The following ZNF208 variants were observed in gnomAD, a reference collection of about 807,000 sequenced individuals.
ZNF208 encodes zinc finger protein 208.
In ZNF208, 10 loss-of-function variants were observed where a neutral mutation model predicts 12.1. The observed-to-expected ratio is 0.83, with a 90% CI of 0.51 to 1.40. The LOEUF is 1.40. Ranked by LOEUF, ZNF208 falls within the 40% of genes most tolerant of loss-of-function variation. ZNF208 has a pLI of 0.00. For missense variants in ZNF208, 1,652 were observed against 1,485.0 expected, an observed-to-expected ratio of 1.11 and a Z score of -1.85; for synonymous variants, 497 against 488.4, an observed-to-expected ratio of 1.02 and a Z score of -0.23.
intron 4 of ZNF208, chr19:21,941,195 CA>C: frequency 2.5e-6 from 1 of 396,364 alleles, no homozygotes; most frequent in Non-Finnish European, 4.4e-6. Context: ...TGAAGCTGCC[CA>C]AACTCCTCAA....
At chr19:21,944,528 T>A (rs1969787992) in intron 4 of ZNF208, among the ~76,000 whole-genome samples, 1 of 152,178 alleles carries the variant, frequency 6.6e-6, no homozygotes, top group Non-Finnish European at 1.5e-5. Context: ...ATGGTTTTAT[T>A]CTTATTCTTA....
chr19:21,978,177 A>G (rs576303562), intron 3 of ZNF208, among the ~76,000 whole-genome samples: 2 of 152,266 alleles, frequency 1.3e-5, no homozygotes, highest in African/African-American at 4.8e-5. Flanking sequence ...CTGCTGGACA[A>G]CTCTGAAGAG....
At chr19:22,005,324 T>C (rs1971026031) in intron 1 of ZNF208, among the ~76,000 whole-genome samples, 1 of 152,168 alleles carries the variant, frequency 6.6e-6, no homozygotes, top group Admixed American at 6.5e-5. Context: ...CTTTTAAGTT[T>C]TCAGTCCTCT....
chr19:21,983,544 C>T (rs1970582438), intron 3 of ZNF208, among the ~76,000 whole-genome samples: 1 of 152,146 alleles, frequency 6.6e-6, no homozygotes, highest in Admixed American at 6.5e-5. Flanking sequence ...TATAAAGGCA[C>T]ATGAATACAC....
chr19:21,988,385 T>C (rs930395825), intron 2 of ZNF208, among the ~76,000 whole-genome samples: 4 of 152,148 alleles, frequency 2.6e-5, no homozygotes, highest in Non-Finnish European at 1.5e-5. Flanking sequence ...CAGTTTATCA[T>C]GAATGCAGAA....
intron 4 of ZNF208, among the ~76,000 whole-genome samples, chr19:21,945,849 A>G (rs1969807948): frequency 6.6e-6 from 1 of 152,094 alleles, no homozygotes; most frequent in African/African-American, 2.4e-5. Context: ...GGGTTTATGG[A>G]GAGCCCCCAA....
At chr19:21,984,284 G>A (rs1284770863) in intron 3 of ZNF208, among the ~76,000 whole-genome samples, 3 of 152,184 alleles carry the variant, frequency 2.0e-5, no homozygotes, top group Non-Finnish European at 4.4e-5. Context: ...GCCAGGTGCG[G>A]TGGCTCATGC....
chr19:22,003,857 CA>C (rs1232243732), intron 1 of ZNF208, among the ~76,000 whole-genome samples: 2 of 152,226 alleles, frequency 1.3e-5, no homozygotes, highest in Admixed American at 1.3e-4. Context: ...AAATGCCTAT[CA>C]CTGGTAGACT....
Position 21,971,813 on chromosome 19 carries a change from T to G in ZNF208, c.3221A>C (p.Glu1074Ala). 6.2e-7 allele frequency: 1 copy of G among 1,613,808 alleles called. No individual in the cohort carries two copies. Among genetic ancestry groups the G allele is most frequent in the Non-Finnish European group, 8.5e-7 (1 of 1,179,874 alleles). Residue 1074 changes from glutamate to alanine, a missense_variant, in exon 4 of 4, where the codon GAA (glutamate) becomes GCA (alanine). By Grantham distance (107) the Glu-to-Ala change is moderately radical. Around this residue, in one of 3 missense-constraint regions of ZNF208, gnomAD observed 1,239 missense variants for 1,086.2 expected, o/e 1.14. Transcript: ENST00000397126. ...CTCTCCAGCATGAGTTGCCTTATGT[T>G]CAGTAAGTCTTGAGGGCCAGCTGAA... ...KAFSWPSRLT[E>A]HKATHAGEEP...
intron 1 of ZNF208, among the ~76,000 whole-genome samples, chr19:21,992,680 G>A (rs1231025883): frequency 3.9e-5 from 6 of 152,104 alleles, no homozygotes; most frequent in Admixed American, 3.3e-4. Flanking sequence ...TTTTAATATT[G>A]CAGATTATAA....
intron 4 of ZNF208, among the ~76,000 whole-genome samples, chr19:21,942,815 A>T (rs1207093364): frequency 2.0e-5 from 3 of 151,878 alleles, no homozygotes; most frequent in Non-Finnish European, 2.9e-5. Flanking sequence ...CAGCCAGCTA[A>T]TTTTTTTGTA....
chr19:22,006,184 G>C (rs1445524132), intron 1 of ZNF208, among the ~76,000 whole-genome samples: 1 of 151,978 alleles, frequency 6.6e-6, no homozygotes, highest in East Asian at 1.9e-4. Context: ...CTGACTTCAG[G>C]GTAAAACATT....
chr19:22,006,655 C>T (rs1057132), intron 1 of ZNF208, among the ~76,000 whole-genome samples: 1 of 152,158 alleles, frequency 6.6e-6, no homozygotes, highest in African/African-American at 2.4e-5. Context: ...AAGGAACTAA[C>T]TGGGCCTTTA....
rs1244994744 is a variant in ZNF208, at chr19:21,966,107, AC to A, written c.*5083del. On this transcript the variant is annotated 3_prime_UTR_variant, in exon 4 of 4. Coordinates refer to ENST00000397126, the MANE Select transcript of ZNF208 (RefSeq NM_007153.3). ...ATAGAACATGTCATTATACCAAAAAACATTTTATTATTTTTATTTTATATTT... is the reference window on the plus strand; with the variant it reads ...ATAGAACATGTCATTATACCAAAAAAATTTTATTATTTTTATTTTATATTT... 3 of 152,092 alleles carry A rather than the reference AC, an allele frequency of 2.0e-5. No individual in the cohort carries two copies. Among genetic ancestry groups the A allele is most frequent in the African/African-American group, 7.2e-5 (3 of 41,442 alleles). 9.4% of individuals were successfully genotyped at this position (152,092 alleles called of 1,614,324 possible). A position where few individuals can be genotyped will look rare whatever the true frequency, so the allele number is the denominator to read the frequency against.
intron 4 of ZNF208, among the ~76,000 whole-genome samples, chr19:21,956,434 A>G (rs1013172112): frequency 1.4e-4 from 21 of 152,180 alleles, no homozygotes; most frequent in Admixed American, 1.4e-3. Flanking sequence ...CTGCCCCTAG[A>G]GGTGGAATCT....
intron 1 of ZNF208, chr19:22,009,338 C>T (rs1486650004): frequency 6.6e-6 from 1 of 152,020 alleles, no homozygotes; most frequent in African/African-American, 2.4e-5. Context: ...GACTTGAGGT[C>T]CTGCTTGGGA....
chr19:21,959,461 C>G (rs1202241218), intron 4 of ZNF208, among the ~76,000 whole-genome samples: 1 of 152,138 alleles, frequency 6.6e-6, no homozygotes, highest in African/African-American at 2.4e-5. Context: ...TTCCATATCG[C>G]TGTTATAATA....
chr19:21,987,177 G>A (rs376595442), intron 3 of ZNF208, 39 bp downstream of exon 3: 45 of 1,584,928 alleles, frequency 2.8e-5, no homozygotes, highest in African/African-American at 2.6e-4. Context: ...CTTGACTTTC[G>A]ACCTCTCATC....
rs1970359267 is a variant in ZNF208, at chr19:21,973,716, G to A, written c.1318C>T (p.Leu440Phe). Residue 440 changes from leucine (L) to phenylalanine (F), a missense_variant, in exon 4 of 4, where the codon CTT becomes TTT. Leu to Phe is a conservative substitution (Grantham distance 22, BLOSUM62 0). Coordinates refer to ENST00000397126, the MANE Select transcript of ZNF208 (RefSeq NM_007153.3). ...CGKAFNWSSN[L>F]MEHKKIHTGE... ...GTGTGAATTTTCTTATGTTCCATAA[G>A]GTTTGAGGACCAGTTGAAAGCTTTG... 6.4e-7 allele frequency: 1 copy of A among 1,572,332 alleles called. No individual in the cohort carries two copies. Among genetic ancestry groups the A allele is most frequent in the South Asian group, 1.1e-5 (1 of 90,352 alleles).
Sources: gnomAD v4.1 joint callset for allele counts (sites outside exome capture counted in the v4.1 genomes callset) on GRCh38, gnomAD v4.1.1 for gene constraint, gnomAD v4.1.1 regional missense constraint, MANE v1.5 for transcripts, NCBI Gene and HGNC (gene_info 2026-07-23, HGNC 2026-07-21) for gene names.